CCDC88C: variants seen among roughly 807,000 people sequenced by gnomAD.
CCDC88C encodes protein Daple.
Under a neutral mutation model 198.8 loss-of-function variants are expected in CCDC88C, and 131 were observed. That is an observed-to-expected ratio of 0.66 (90% CI 0.57 to 0.76). The LOEUF (loss-of-function observed/expected upper bound fraction) is 0.76, where lower values mean the gene tolerates loss of function less well. CCDC88C is among the 30% of genes least tolerant of loss of function. The pLI is 0.00. For synonymous variants in CCDC88C, 1,166 were observed against 1,114.7 expected (o/e 1.05, Z -0.92); for missense variants, 2,553 against 2,631.6 (o/e 0.97, Z 0.65).
intron 10 of CCDC88C, among the ~76,000 whole-genome samples, chr14:91,335,910 C>G (rs949548645): frequency 1.6e-4 from 24 of 152,208 alleles, no homozygotes; most frequent in Admixed American, 1.4e-3. Context: ...GAGTACAGCT[C>G]ACTCCTCTCA....
At chr14:91,398,980 AGCCCTGTGT>A (rs1419928385) in intron 3 of CCDC88C, among the ~76,000 whole-genome samples, 3 of 152,132 alleles carry the variant, frequency 2.0e-5, no homozygotes, top group African/African-American at 7.2e-5. Context: ...GGCCTCGGGC[AGCCCTGTGT>A]GCTGGTGCCC....
chr14:91,318,914 G>A (rs61988376), intron 13 of CCDC88C, among the ~76,000 whole-genome samples: 71,896 of 124,470 alleles, frequency 0.58, 21,262 homozygotes, highest in Non-Finnish European at 0.67. Flanking sequence ...GCGAGACTCC[G>A]TCCAAAAAAA....
At position 91,273,726 on chromosome 14, in the gene CCDC88C, G is replaced by C. The variant is rs1889843727; in HGVS notation, c.5059-73C>G. 6.0e-6 allele frequency: 8 copies of C among 1,327,276 alleles called. No homozygotes were observed. Among genetic ancestry groups the C allele is most frequent in the Non-Finnish European group, 7.9e-6 (8 of 1,010,968 alleles). 82.2% of individuals were successfully genotyped at this position (1,327,276 alleles called of 1,614,324 possible). A position where few individuals can be genotyped will look rare whatever the true frequency, so the allele number is the denominator to read the frequency against. ...GGTCCTTGGAGCCGCCTCCTGCGCGGGACGCCCCCGAGCAGCCCACGTGGC... is the reference window on the plus strand; with the variant it reads ...GGTCCTTGGAGCCGCCTCCTGCGCGCGACGCCCCCGAGCAGCCCACGTGGC... On this transcript the variant is annotated intron_variant, in intron 29 of 29. Transcript: ENST00000389857. This position sits in a 1 kb window ranked among gnomAD's most constrained non-coding sequence, Gnocchi z 5.6.
chr14:91,370,497 C>G (rs1885935486), intron 3 of CCDC88C, among the ~76,000 whole-genome samples: 1 of 152,330 alleles, frequency 6.6e-6, no homozygotes, highest in South Asian at 2.1e-4. Context: ...CCTGTCTTAT[C>G]TGATGCCAGG....
intron 3 of CCDC88C, among the ~76,000 whole-genome samples, chr14:91,398,394 G>A (rs913701535): frequency 6.6e-6 from 1 of 152,162 alleles, no homozygotes; most frequent in African/African-American, 2.4e-5. Context: ...GGTGGCTCAC[G>A]CCTGTAACCC....
intron 4 of CCDC88C, among the ~76,000 whole-genome samples, chr14:91,345,470 C>A (rs186715605): frequency 6.6e-6 from 1 of 151,916 alleles, no homozygotes; most frequent in Non-Finnish European, 1.5e-5. Context: ...GGATTACAGA[C>A]GTGAGCAGCC....
intron 5 of CCDC88C, 64 bp from the exon 6 acceptor site, chr14:91,342,527 C>T: frequency 9.7e-7 from 1 of 1,035,312 alleles, no homozygotes; most frequent in South Asian, 1.4e-5. Context: ...GAGTCCACCA[C>T]AGCCACAGAA....
At chr14:91,355,326 G>A (rs556805101) in intron 4 of CCDC88C, among the ~76,000 whole-genome samples, 3 of 152,294 alleles carry the variant, frequency 2.0e-5, no homozygotes, top group Non-Finnish European at 4.4e-5. Flanking sequence ...GACGCTCTAC[G>A]GCACTCAGGC....
chr14:91,311,810 C>T (rs10131829), intron 15 of CCDC88C, among the ~76,000 whole-genome samples: 10 of 152,036 alleles, frequency 6.6e-5, no homozygotes, highest in Non-Finnish European at 1.5e-4. Context: ...GAGACTAACA[C>T]GTTCACACTC....
At position 91,279,212 on chromosome 14, in the gene CCDC88C, A is replaced by G. The variant is rs1218111188; in HGVS notation, c.4768+26T>C. 3 of 1,566,452 alleles carry G rather than the reference A, an allele frequency of 1.9e-6. No individual in the cohort carries two copies. In the South Asian group the frequency reaches 3.5e-5, roughly 18 times the overall value. On this transcript the variant is annotated intron_variant, in intron 28 of 29. Transcript: ENST00000389857. The stretch of plus-strand genomic sequence containing the variant: ...TGTGCCTGGCCCAAATCAATTTTTA[A>G]AAGTACACAGAAGCACAAGACTTAC...
intron 3 of CCDC88C, among the ~76,000 whole-genome samples, chr14:91,389,770 A>AT (rs1491583046): frequency 6.6e-6 from 1 of 151,284 alleles, no homozygotes; most frequent in Non-Finnish European, 1.5e-5. Flanking sequence ...AGAAAAAAAA[A>AT]GAGGAGAAAA....
chr14:91,286,526 A>G (rs1379665399), intron 25 of CCDC88C, among the ~76,000 whole-genome samples: 1 of 152,208 alleles, frequency 6.6e-6, no homozygotes, highest in African/African-American at 2.4e-5. Flanking sequence ...CAATTGGGCT[A>G]ACTTCCTAAA....
chr14:91,338,174 G>A lies in CCDC88C; in HGVS notation c.892-11C>T, dbSNP rs1407851892. 7 of 1,612,750 alleles carry A rather than the reference G, an allele frequency of 4.3e-6. No homozygotes were observed. The highest frequency in any genetic ancestry group is 5.9e-6 in the Non-Finnish European group (7 of 1,179,058). ...CGCTAGCTGGATGTTCTGCAAGGTG[G>A]ACAAAGGCAGGAGAACCTAGCTTAG... On this transcript the variant is annotated splice_polypyrimidine_tract_variant and intron_variant, in intron 9 of 29. Coordinates refer to ENST00000389857, the MANE Select transcript of CCDC88C (RefSeq NM_001080414.4). This position sits in a 1 kb window ranked among gnomAD's most constrained non-coding sequence, Gnocchi z 4.8.
Position 91,313,659 on chromosome 14 carries a change from G to A in CCDC88C, c.2157C>T (p.Thr719=), listed in dbSNP as rs1567069770. The A allele has an allele frequency of 6.2e-7, 1 of 1,612,416 alleles. No homozygotes were observed. The highest frequency in any genetic ancestry group is 1.1e-5 in the South Asian group (1 of 91,088). The part of the protein sequence containing the change: ...LRRLVETMRF[T]STKLAQMERE... ...TCTCCATCTGTGCCAGCTTGGTGCT[G>A]GTGAAGCGCATGGTCTCCACCAGCC... The change falls in exon 15 of 30, where the codon ACC becomes ACT. Residue 719 remains threonine (T), a synonymous_variant. Coordinates refer to ENST00000389857, the MANE Select transcript of CCDC88C (RefSeq NM_001080414.4). The surrounding 1 kb of genome is among the most constrained non-coding windows in gnomAD (Gnocchi z 5.2).
intron 3 of CCDC88C, among the ~76,000 whole-genome samples, chr14:91,392,915 T>C (rs748058752): frequency 2.0e-5 from 3 of 152,056 alleles, no homozygotes; most frequent in Non-Finnish European, 2.9e-5. Context: ...AGGGGTGTGA[T>C]GACGGCGATA....
chr14:91,294,304 G>A lies in CCDC88C; in HGVS notation c.3981C>T (p.Leu1327=), dbSNP rs201259963. 3.2e-4 allele frequency: 513 copies of A among 1,613,946 alleles called. No homozygotes were observed. Among genetic ancestry groups the A allele is most frequent in the Non-Finnish European group, 2.0e-4 (236 of 1,179,888 alleles). ...LDNHCELLSR[L]KGNLEEENHH... ...GATTTTCTTCCTCCAAGTTCCCCTT[G>A]AGACGGGAGAGCAGCTAGAACACAG... Residue 1327 remains leucine, a synonymous_variant, in exon 23 of 30, where the codon CTC becomes CTT. Transcript: ENST00000389857.
In CCDC88C at chr14:91,273,657, CGGA is replaced by C; in HGVS notation, c.5059-7_5059-5del. On this transcript the variant is annotated splice_polypyrimidine_tract_variant and splice_region_variant and intron_variant, in intron 29 of 29. Transcript: ENST00000389857. The surrounding 1 kb of genome is among the most constrained non-coding windows in gnomAD (Gnocchi z 5.6). Reference sequence around the variant, plus strand: ...CATCCCGGCAACTGGGAGTGTCCTACGGAGAAGAGAGTGAAGGTTGGAGGTGGG... The same window carrying C: ...CATCCCGGCAACTGGGAGTGTCCTACGAAGAGAGTGAAGGTTGGAGGTGGG... 1.4e-6 allele frequency: 2 copies of C among 1,458,572 alleles called. No homozygotes were observed. Among genetic ancestry groups the C allele is most frequent in the Non-Finnish European group, 1.8e-6 (2 of 1,103,266 alleles). The allele number at this position is 1,458,572 out of a possible 1,614,324, so 90.4% of individuals were successfully genotyped here. A position where few individuals can be genotyped will look rare whatever the true frequency, so the allele number is the denominator to read the frequency against.
intron 4 of CCDC88C, among the ~76,000 whole-genome samples, chr14:91,350,907 C>T (rs11851765): frequency 4.9e-4 from 74 of 152,334 alleles, no homozygotes; most frequent in African/African-American, 1.7e-3. Flanking sequence ...GACTCCATCT[C>T]AGAAATAGAA....
In CCDC88C at chr14:91,409,400, G is replaced by A. The variant is rs117342043; in HGVS notation, c.162-633C>T. On this transcript the variant is annotated intron_variant, in intron 2 of 29. Coordinates refer to ENST00000389857, the MANE Select transcript of CCDC88C (RefSeq NM_001080414.4). ...TCACTATGTTGCCCAGGCTGGTCTC[G>A]AACTCCTCAAGCCATCCTCCTGCCT... Among the ~76,000 whole-genome samples, 1,190 of 151,424 alleles carry A rather than the reference G, an allele frequency of 7.9e-3. 5 individuals carry two copies. Among genetic ancestry groups the A allele is most frequent in the Non-Finnish European group, 0.013 (912 of 67,848 alleles).
Sources: allele counts gnomAD v4.1 joint callset (sites outside exome capture counted in the v4.1 genomes callset), GRCh38; gene constraint gnomAD v4.1.1; non-coding constraint Gnocchi (gnomAD v3.1); transcripts MANE v1.5; gene names NCBI Gene and HGNC (gene_info 2026-07-23, HGNC 2026-07-21).